CCDC73: variants seen among roughly 807,000 people sequenced by gnomAD.
The protein encoded by CCDC73 is coiled-coil domain-containing protein 73.
A neutral mutation model predicts 116.5 loss-of-function variants in CCDC73; 95 were observed. That is an observed-to-expected ratio of 0.82 (90% CI 0.69 to 0.97). The LOEUF is 0.97. Among genes scored for constraint, CCDC73 ranks in the 50% least tolerant of loss-of-function variants. The pLI is 0.00. For synonymous variants in CCDC73, 398 were observed against 401.3 expected (o/e 0.99, Z 0.10); for missense variants, 1,066 against 1,206.8 (o/e 0.88, Z 1.73).
chr11:32,758,453 A>G (rs561268917), intron 2 of CCDC73: 3 of 469,702 alleles, frequency 6.4e-6, no homozygotes, highest in Admixed American at 4.4e-5. Flanking sequence ...TGAGACCTAA[A>G]GTTCTTATGA....
intron 1 of CCDC73, among the ~76,000 whole-genome samples, chr11:32,766,718 C>G (rs1300208880): frequency 6.6e-6 from 1 of 152,154 alleles, no homozygotes; most frequent in African/African-American, 2.4e-5. Context: ...CTCCCATTCA[C>G]AATTGCTTCA....
In CCDC73 at chr11:32,702,554, A is replaced by C. The variant is rs551207857; in HGVS notation, c.279+319T>G. On this transcript the variant is annotated intron_variant, in intron 4 of 17. Transcript: ENST00000335185. The stretch of plus-strand genomic sequence containing the variant: ...AAGAGGCAAGAGCCTAGGAAGTTCT[A>C]ATAAAAGAAAGGAAAGGGGAGAGAA... 8.7e-4 allele frequency among the ~76,000 whole-genome samples: 133 copies of C among 152,310 alleles called. 5 individuals carry two copies. In the South Asian group the frequency reaches 0.025, roughly 29 times the overall value.
chr11:32,699,404 C>T, intron 5 of CCDC73, 79 bp from the exon 6 acceptor site: 1 of 1,317,112 alleles, frequency 7.6e-7, no homozygotes, highest in African/African-American at 1.5e-5. Flanking sequence ...GCTCAAGAAC[C>T]CTTTAAGTAA....
intron 3 of CCDC73, among the ~76,000 whole-genome samples, chr11:32,716,507 T>C (rs1849947430): frequency 6.6e-6 from 1 of 152,236 alleles, no homozygotes. Flanking sequence ...TATTTCCACA[T>C]AAACCTTAGA....
upstream of CCDC73, among the ~76,000 whole-genome samples, chr11:32,796,923 A>T (rs1850731778): frequency 6.6e-6 from 1 of 151,300 alleles, no homozygotes; most frequent in African/African-American, 2.4e-5. Flanking sequence ...GAGGCGTAAG[A>T]ATCGCTTGAA....
At chr11:32,624,253 T>C (rs761039230) in intron 14 of CCDC73, among the ~76,000 whole-genome samples, 17 of 151,842 alleles carry the variant, frequency 1.1e-4, no homozygotes, top group Non-Finnish European at 1.0e-4. Flanking sequence ...GGCAGGAGAA[T>C]TGCTTGAACC....
chr11:32,702,918 T>C lies in CCDC73; in HGVS notation c.234A>G (p.Thr78=), dbSNP rs760918249. ...QKETLQNQKE[T]LAEQHKEAMA... is the part of the protein sequence containing the mutation. ...TTGCTTCCTTGTGTTGCTCTGCCAA[T>C]GTTTCCTTTTGATTCTGAAGAGTTT... The change falls in exon 4 of 18, where the codon ACA becomes ACG. Residue 78 remains threonine, a synonymous_variant. Coordinates refer to ENST00000335185, the MANE Select transcript of CCDC73 (RefSeq NM_001008391.4). The C allele has an allele frequency of 1.4e-5, 23 of 1,613,066 alleles. No homozygotes were observed. The highest frequency in any genetic ancestry group is 1.9e-5 in the Non-Finnish European group (22 of 1,179,176).
At chr11:32,788,160 G>A (rs1043888801) in intron 1 of CCDC73, among the ~76,000 whole-genome samples, 2 of 152,154 alleles carry the variant, frequency 1.3e-5, no homozygotes, top group African/African-American at 4.8e-5. Flanking sequence ...AATTTTTGTT[G>A]CATTGATTAT....
chr11:32,670,521 CA>C (rs11334231), intron 9 of CCDC73, among the ~76,000 whole-genome samples: 95,161 of 138,510 alleles, frequency 0.69, 31,842 homozygotes, highest in East Asian at 0.92. Context: ...GGCTCTGTCT[CA>C]AAAAAAAAAA....
intron 14 of CCDC73, among the ~76,000 whole-genome samples, chr11:32,632,828 G>A (rs1414244248): frequency 6.6e-6 from 1 of 151,816 alleles, no homozygotes; most frequent in Non-Finnish European, 1.5e-5. Context: ...ATAGTTTGTG[G>A]GATGGAACCA....
At chr11:32,827,667 G>A in the CCDC73 span, among the ~76,000 whole-genome samples, 2 of 152,158 alleles carry the variant, frequency 1.3e-5, no homozygotes, top group Non-Finnish European at 2.9e-5. Flanking sequence ...CCATGAAAAT[G>A]TATTCAGCAC....
At chr11:32,633,589 G>A (rs531227505) in intron 14 of CCDC73, among the ~76,000 whole-genome samples, 3 of 152,222 alleles carry the variant, frequency 2.0e-5, no homozygotes, top group African/African-American at 7.2e-5. Context: ...TTGCAGTCTG[G>A]AGTAAACCAG....
intron 2 of CCDC73, among the ~76,000 whole-genome samples, chr11:32,757,286 G>A (rs539320344): frequency 1.6e-4 from 24 of 152,102 alleles, no homozygotes; most frequent in Admixed American, 1.4e-3. Flanking sequence ...GCCTCTGGAT[G>A]AAAAGGGGTG....
intron 1 of CCDC73, among the ~76,000 whole-genome samples, chr11:32,766,066 C>T (rs1190486773): frequency 1.3e-5 from 2 of 152,154 alleles, no homozygotes; most frequent in East Asian, 3.8e-4. Flanking sequence ...CCATAAAATA[C>T]TGGCAAACCG....
chr11:32,714,725 C>A (rs1185921535), intron 3 of CCDC73, among the ~76,000 whole-genome samples: 1 of 152,008 alleles, frequency 6.6e-6, no homozygotes, highest in African/African-American at 2.4e-5. Context: ...AGCTACCATT[C>A]AAGAGGTATG....
At chr11:32,659,250 G>C (rs898595244) in intron 9 of CCDC73, among the ~76,000 whole-genome samples, 1 of 152,100 alleles carries the variant, frequency 6.6e-6, no homozygotes, top group Non-Finnish European at 1.5e-5. Context: ...GTGGATGGGA[G>C]AGTGAAGAAC....
At chr11:32,611,019 A>G (rs1336470946) in intron 17 of CCDC73, 113 bp downstream of exon 17, 2 of 969,138 alleles carry the variant, frequency 2.1e-6, no homozygotes, top group Non-Finnish European at 3.0e-6. Context: ...TGCCCTCTTG[A>G]TATTATTTTG....
chr11:32,614,809 C>A lies in CCDC73; in HGVS notation c.1509G>T (p.Ser503=). ...CTGATTTTCTGTTGTCCGTAACATT[C>A]GAGGTTTGTCCTTGACTAATTACTT... The part of the protein sequence containing the change: ...DKEVISQGQT[S]NVTDNRKSVT... The change falls in exon 16 of 18, where the codon TCG becomes TCT. Residue 503 remains serine (S), a synonymous_variant. Transcript: ENST00000335185. The A allele has an allele frequency of 6.2e-7, 1 of 1,613,276 alleles. No individual in the cohort carries two copies. Among genetic ancestry groups the A allele is most frequent in the South Asian group, 1.1e-5 (1 of 91,038 alleles).
intron 1 of CCDC73, among the ~76,000 whole-genome samples, chr11:32,784,971 C>G (rs1208639686): frequency 1.3e-5 from 2 of 152,040 alleles, no homozygotes; most frequent in African/African-American, 2.4e-5. Flanking sequence ...GTCAGGAGTT[C>G]GAGACCAGCC....
Sources: gnomAD v4.1 joint callset for allele counts (sites outside exome capture counted in the v4.1 genomes callset) on GRCh38, gnomAD v4.1.1 for gene constraint, MANE v1.5 for transcripts, NCBI Gene and HGNC (gene_info 2026-07-23, HGNC 2026-07-21) for gene names.